BLTP3B: variants seen among roughly 807,000 people sequenced by gnomAD.
BLTP3B encodes UHRF1 (ICBP90) binding protein 1-like.
chr12:100,132,353 G>C, the BLTP3B span, among the ~76,000 whole-genome samples: 1 of 152,158 alleles, frequency 6.6e-6, no homozygotes, highest in Non-Finnish European at 1.5e-5. Context: ...ACAGTGTTGG[G>C]AGGTGGCGCC....
At chr12:100,133,862 G>A in the BLTP3B span, among the ~76,000 whole-genome samples, 11 of 152,154 alleles carry the variant, frequency 7.2e-5, no homozygotes, top group African/African-American at 2.4e-4. Flanking sequence ...GGTACAGTAC[G>A]ATAGCTTGAG....
chr12:100,059,038 C>T, the BLTP3B span: 1 of 1,614,094 alleles, frequency 6.2e-7, no homozygotes, highest in Non-Finnish European at 8.5e-7. Flanking sequence ...TTTAGAGATA[C>T]CTGATTACAA....
chr12:100,057,960 A>C, the BLTP3B span: 1 of 1,492,706 alleles, frequency 6.7e-7, no homozygotes, highest in Non-Finnish European at 8.9e-7. Context: ...TCAAAACAAA[A>C]TACACTCATA....
chr12:100,140,732 ATAT>A, the BLTP3B span, among the ~76,000 whole-genome samples: 150 of 85,458 alleles, frequency 1.8e-3, 2 homozygotes, highest in African/African-American at 6.4e-3. Flanking sequence ...AAAAAAAAAT[ATAT>A]ATATATATAT....
chr12:100,115,587 T>C, the BLTP3B span, among the ~76,000 whole-genome samples: 2 of 151,992 alleles, frequency 1.3e-5, no homozygotes, highest in Non-Finnish European at 1.5e-5. Context: ...CTGGGCAACA[T>C]AGTGAGACCT....
the BLTP3B span, among the ~76,000 whole-genome samples, chr12:100,130,978 G>GGGGAGA: frequency 3.2e-5 from 1 of 31,138 alleles, no homozygotes; most frequent in Non-Finnish European, 7.7e-5. Context: ...AGAGAGAGAG[G>GGGGAGA]GAGGGAGAGA....
At chr12:100,072,217 G>A in the BLTP3B span, among the ~76,000 whole-genome samples, 6 of 151,762 alleles carry the variant, frequency 4.0e-5, no homozygotes, top group African/African-American at 9.7e-5. Context: ...AGCCGAGATC[G>A]TGCCACTGCA....
chr12:100,089,113 T>C, the BLTP3B span: 2 of 1,471,622 alleles, frequency 1.4e-6, no homozygotes. Flanking sequence ...GATTCGAAAC[T>C]GCCTTATCAC....
the BLTP3B span, among the ~76,000 whole-genome samples, chr12:100,140,729 A>AATATATATATATAT: frequency 7.6e-4 from 47 of 61,476 alleles, 1 homozygote; most frequent in African/African-American, 3.9e-3. Flanking sequence ...AAAAAAAAAA[A>AATATATATATATAT]ATATATATAT....
the BLTP3B span, among the ~76,000 whole-genome samples, chr12:100,089,575 AAAACAAAAAAAC>A: frequency 6.6e-6 from 1 of 152,122 alleles, no homozygotes; most frequent in Non-Finnish European, 1.5e-5. Context: ...AACAAAAACA[AAAACAAAAAAAC>A]AAACAAAAAA....
the BLTP3B span, chr12:100,058,790 GA>G: frequency 3.7e-6 from 6 of 1,613,982 alleles, no homozygotes; most frequent in Non-Finnish European, 5.1e-6. Flanking sequence ...ACTCATGCAG[GA>G]AAAGTAGAAG....
At chr12:100,091,507 C>A in the BLTP3B span, among the ~76,000 whole-genome samples, 1 of 146,548 alleles carries the variant, frequency 6.8e-6, no homozygotes, top group African/African-American at 2.5e-5. Flanking sequence ...GTATTTTATT[C>A]TATTTTATTT....
At chr12:100,058,515 CTAAT>C in the BLTP3B span, 1 of 1,613,440 alleles carries the variant, frequency 6.2e-7, no homozygotes, top group East Asian at 2.2e-5. Flanking sequence ...AGTTACACTT[CTAAT>C]TCTATTTATA....
At chr12:100,117,112 T>C in the BLTP3B span, among the ~76,000 whole-genome samples, 153 of 152,352 alleles carry the variant, frequency 1.0e-3, no homozygotes, top group African/African-American at 3.6e-3. Flanking sequence ...GAAATCTTCC[T>C]GGCAGAAAAG....
At chr12:100,066,744 C>T in the BLTP3B span, among the ~76,000 whole-genome samples, 1 of 151,334 alleles carries the variant, frequency 6.6e-6, no homozygotes, top group East Asian at 1.9e-4. Context: ...GCAGAGCTTG[C>T]AGTGAGCCGA....
At chr12:100,042,473 C>T in the BLTP3B span, among the ~76,000 whole-genome samples, 1 of 152,120 alleles carries the variant, frequency 6.6e-6, no homozygotes, top group African/African-American at 2.4e-5. Context: ...CAGAAATAAA[C>T]CCATGTGTCT....
chr12:100,058,053 G>C, the BLTP3B span: 1 of 1,575,366 alleles, frequency 6.3e-7, no homozygotes, highest in African/African-American at 1.4e-5. Flanking sequence ...TGATTTAAGT[G>C]TTCTAACTGG....
the BLTP3B span, among the ~76,000 whole-genome samples, chr12:100,073,072 T>C: frequency 1.3e-5 from 2 of 152,218 alleles, no homozygotes; most frequent in African/African-American, 2.4e-5. Context: ...AAACTTATTA[T>C]TGTGAGCCTT....
the BLTP3B span, among the ~76,000 whole-genome samples, chr12:100,041,002 A>C: frequency 1.3e-5 from 2 of 152,202 alleles, no homozygotes; most frequent in Admixed American, 1.3e-4. Context: ...CAAAACAAAC[A>C]AAAAAACCCC....
Sources: gnomAD v4.1 joint callset for allele counts (sites outside exome capture counted in the v4.1 genomes callset) on GRCh38, gnomAD v4.1.1 for gene constraint, MANE v1.5 for transcripts, NCBI Gene and HGNC (gene_info 2026-07-23, HGNC 2026-07-21) for gene names.